CSGALNACT1: variants seen among roughly 807,000 people sequenced by gnomAD.
CSGALNACT1 encodes beta4GalNAcT-1.
Under a neutral mutation model 51.0 loss-of-function variants are expected in CSGALNACT1, and 52 were observed. That is an observed-to-expected ratio of 1.02 (90% CI 0.82 to 1.29). The LOEUF (loss-of-function observed/expected upper bound fraction) is 1.29, where lower values mean the gene tolerates loss of function less well. Among genes scored for constraint, CSGALNACT1 ranks in the 50% most tolerant of loss-of-function variants. The pLI is 0.00. For missense variants in CSGALNACT1, 935 were observed against 679.2 expected (o/e 1.38, Z -4.19); for synonymous variants, 341 against 254.4 (o/e 1.34, Z -3.24).
chr8:19,740,085 C>T (rs1336699933), intron 1 of CSGALNACT1, among the ~76,000 whole-genome samples: 1 of 152,178 alleles, frequency 6.6e-6, no homozygotes, highest in Non-Finnish European at 1.5e-5. Context: ...CTGCCCCCAA[C>T]CCTACCCCTG....
chr8:19,436,986 C>T (rs963026501), intron 6 of CSGALNACT1, among the ~76,000 whole-genome samples: 1 of 152,088 alleles, frequency 6.6e-6, no homozygotes, highest in Admixed American at 6.6e-5. Context: ...GATGAAGAAA[C>T]CTTGAACATT....
chr8:19,618,046 T>A (rs1382842395), intron 1 of CSGALNACT1, among the ~76,000 whole-genome samples: 1 of 141,112 alleles, frequency 7.1e-6, no homozygotes, highest in Non-Finnish European at 1.5e-5. Context: ...TTCCGGCTGA[T>A]TTTTTTTTTT....
intron 1 of CSGALNACT1, among the ~76,000 whole-genome samples, chr8:19,668,704 G>A (rs374996082): frequency 2.0e-5 from 3 of 152,048 alleles, no homozygotes; most frequent in South Asian, 2.1e-4. Context: ...AAAGGCGAGC[G>A]CCACCATGCC....
chr8:19,527,277 G>C (rs2081905993), intron 3 of CSGALNACT1, among the ~76,000 whole-genome samples: 1 of 152,152 alleles, frequency 6.6e-6, no homozygotes, highest in South Asian at 2.1e-4. Context: ...CCTCAGCTAG[G>C]TCTTGGAGGA....
At chr8:19,514,398 C>T (rs1055766111) in intron 3 of CSGALNACT1, among the ~76,000 whole-genome samples, 2 of 148,322 alleles carry the variant, frequency 1.3e-5, no homozygotes, top group South Asian at 4.3e-4. Flanking sequence ...TTCCTCAATA[C>T]TCAAGACCAG....
At chr8:19,579,660 C>T (rs753004906) in intron 3 of CSGALNACT1, among the ~76,000 whole-genome samples, 96 of 152,294 alleles carry the variant, frequency 6.3e-4, no homozygotes, top group Non-Finnish European at 1.2e-3. Flanking sequence ...TCCTTAGGTT[C>T]TAGCATGTTC....
intron 1 of CSGALNACT1, among the ~76,000 whole-genome samples, chr8:19,754,418 T>C (rs1016459802): frequency 6.6e-6 from 1 of 152,086 alleles, no homozygotes; most frequent in Non-Finnish European, 1.5e-5. Flanking sequence ...ATTTAGGAAA[T>C]AAAACCATTT....
chr8:19,718,938 G>A (rs1449453623), intron 1 of CSGALNACT1, among the ~76,000 whole-genome samples: 2 of 152,040 alleles, frequency 1.3e-5, no homozygotes, highest in African/African-American at 2.4e-5. Flanking sequence ...ATTAACATAC[G>A]CCCTGCAAGA....
chr8:19,501,443 A>G (rs967102926), intron 4 of CSGALNACT1, among the ~76,000 whole-genome samples: 5 of 152,138 alleles, frequency 3.3e-5, no homozygotes, highest in Non-Finnish European at 7.3e-5. Context: ...TTCAAACCAC[A>G]GCACCCTCAA....
chr8:19,439,962 C>T (rs1260335408), intron 5 of CSGALNACT1, 31 bp from the exon 5 acceptor site: 3 of 1,556,684 alleles, frequency 1.9e-6, no homozygotes, highest in Non-Finnish European at 2.7e-6. Context: ...ATGTCTGGCA[C>T]CTGTTTTCAC....
chr8:19,576,825 G>T (rs964941825), intron 3 of CSGALNACT1, among the ~76,000 whole-genome samples: 4 of 152,088 alleles, frequency 2.6e-5, no homozygotes, highest in Non-Finnish European at 2.9e-5. Context: ...CAGAGATCAT[G>T]AATTTGAGGA....
upstream of CSGALNACT1, among the ~76,000 whole-genome samples, chr8:19,683,521 G>A (rs1257379956): frequency 6.6e-6 from 1 of 152,180 alleles, no homozygotes; most frequent in Non-Finnish European, 1.5e-5. Flanking sequence ...GATTGTGGAA[G>A]AGGGCTATAC....
intron 1 of CSGALNACT1, among the ~76,000 whole-genome samples, chr8:19,627,320 T>C (rs1189402905): frequency 1.3e-5 from 2 of 152,244 alleles, no homozygotes; most frequent in Admixed American, 6.5e-5. Context: ...TATGTGGCAT[T>C]CTCAAAAACT....
intron 5 of CSGALNACT1, among the ~76,000 whole-genome samples, chr8:19,448,148 T>C (rs560502734): frequency 3.6e-4 from 55 of 152,198 alleles, no homozygotes; most frequent in Non-Finnish European, 5.6e-4. Flanking sequence ...CCAGAGAAGG[T>C]TGGAGATCTT....
At chr8:19,552,702 T>C (rs2088489872) in intron 3 of CSGALNACT1, among the ~76,000 whole-genome samples, 1 of 152,226 alleles carries the variant, frequency 6.6e-6, no homozygotes, top group Non-Finnish European at 1.5e-5. Flanking sequence ...GCTGATGTTT[T>C]CAATTTTTCT....
At chr8:19,669,735 A>G in intron 1 of CSGALNACT1, among the ~76,000 whole-genome samples, 1 of 152,216 alleles carries the variant, frequency 6.6e-6, no homozygotes, top group East Asian at 1.9e-4. Context: ...TTGGCCTGCC[A>G]AAGTGCTGGG....
At position 19,676,084 on chromosome 8, in the gene CSGALNACT1, T is replaced by TAAAAAAAAAAAA. The variant is rs148674039; in HGVS notation, c.-544+6388_-544+6389insTTTTTTTTTTTT. ...CACGATGGATGGTGGTTGTCTGATT[T>TAAAAAAAAAAAA]AAAAAACAAAACAAAACAAAAAAAA... On this transcript the variant is annotated intron_variant, in intron 1 of 9. Coordinates refer to the CSGALNACT1 transcript ENST00000332246. Among the ~76,000 whole-genome samples, 51 of 106,174 alleles carry TAAAAAAAAAAAA rather than the reference T, an allele frequency of 4.8e-4. 3 individuals carry two copies. Among genetic ancestry groups the TAAAAAAAAAAAA allele is most frequent in the African/African-American group, 9.9e-4 (27 of 27,136 alleles). 69.7% of individuals were successfully genotyped at this position (106,174 alleles called of 152,430 possible). A position where few individuals can be genotyped will look rare whatever the true frequency, so the allele number is the denominator to read the frequency against.
At chr8:19,499,009 A>T (rs908245217) in intron 4 of CSGALNACT1, among the ~76,000 whole-genome samples, 1 of 152,172 alleles carries the variant, frequency 6.6e-6, no homozygotes, top group Non-Finnish European at 1.5e-5. Context: ...CAGCTGCTCC[A>T]AAAGCCGAGG....
chr8:19,663,516 C>T (rs891923445), intron 1 of CSGALNACT1, among the ~76,000 whole-genome samples: 2 of 152,180 alleles, frequency 1.3e-5, no homozygotes, highest in African/African-American at 4.8e-5. Flanking sequence ...CAACTCTGTT[C>T]CAAAGAGCGT....
Sources: gnomAD v4.1 joint callset for allele counts (sites outside exome capture counted in the v4.1 genomes callset) on GRCh38, gnomAD v4.1.1 for gene constraint, MANE v1.5 for transcripts, NCBI Gene and HGNC (gene_info 2026-07-23, HGNC 2026-07-21) for gene names.